The following GABRR3 variants were observed in gnomAD, a reference collection of about 807,000 sequenced individuals.
GABRR3 encodes gamma-aminobutyric acid receptor subunit rho-3.
Under a neutral mutation model 43.2 loss-of-function variants are expected in GABRR3, and 29 were observed. That is an observed-to-expected ratio of 0.67 (90% CI 0.50 to 0.92). GABRR3 has a LOEUF of 0.92. GABRR3 is among the 40% of genes least tolerant of loss of function. The pLI, the probability that GABRR3 is intolerant of heterozygous loss-of-function variation, is 0.00. For missense variants in GABRR3, 576 were observed against 572.3 expected, an observed-to-expected ratio of 1.01 and a Z score of -0.07; for synonymous variants, 206 against 195.9, an observed-to-expected ratio of 1.05 and a Z score of -0.43.
exon 9 of GABRR3, chr3:97,992,986 C>T: frequency 1.2e-6 from 2 of 1,613,208 alleles, no homozygotes; most frequent in Non-Finnish European, 1.7e-6. Context: ...AGGTAGGACA[C>T]CTGGGGCATG....
At chr3:98,019,435 T>C (rs1224453813) in intron 3 of GABRR3, among the ~76,000 whole-genome samples, 1 of 152,104 alleles carries the variant, frequency 6.6e-6, no homozygotes, top group Non-Finnish European at 1.5e-5. Flanking sequence ...CTCGGTATCA[T>C]TTTTTTACTT....
intron 8 of GABRR3, chr3:97,998,191 C>T (rs1706587895): frequency 6.6e-6 from 1 of 152,064 alleles, no homozygotes; most frequent in Admixed American, 6.6e-5. Flanking sequence ...TAGTAACTGG[C>T]CTAACATGAT....
At chr3:97,986,552 C>T (rs1469471047), downstream of GABRR3, 6 of 626,156 alleles carry the variant, frequency 9.6e-6, no homozygotes, top group South Asian at 1.4e-4. Flanking sequence ...AGACAGCTTT[C>T]AAATTTTCAT....
At chr3:98,015,581 A>G (rs1178397292) in intron 4 of GABRR3, among the ~76,000 whole-genome samples, 1 of 152,202 alleles carries the variant, frequency 6.6e-6, no homozygotes, top group African/African-American at 2.4e-5. Context: ...ACCAAACCAA[A>G]ACATATTCAT....
chr3:98,032,853 T>G (rs565303266), intron 2 of GABRR3, among the ~76,000 whole-genome samples: 1 of 152,188 alleles, frequency 6.6e-6, no homozygotes, highest in Non-Finnish European at 1.5e-5. Flanking sequence ...TTAGTTCTTT[T>G]GCATTATAGA....
intron 4 of GABRR3, 69 bp from the exon 5 acceptor site, chr3:98,012,636 T>G: frequency 9.5e-7 from 1 of 1,049,030 alleles, no homozygotes; most frequent in Non-Finnish European, 1.5e-6. Context: ...CTCAACACTG[T>G]TAGTCCCAGG....
At chr3:98,002,899 C>G (rs1351538608) in intron 7 of GABRR3, among the ~76,000 whole-genome samples, 1 of 152,120 alleles carries the variant, frequency 6.6e-6, no homozygotes, top group African/African-American at 2.4e-5. Context: ...AGATGGATCA[C>G]TTAAGTACTT....
chr3:98,022,855 T>A (rs570802359), intron 3 of GABRR3, among the ~76,000 whole-genome samples: 88 of 152,228 alleles, frequency 5.8e-4, no homozygotes, highest in African/African-American at 1.7e-3. Flanking sequence ...AAAGTATTTT[T>A]AAAAAAATGC....
At chr3:98,033,483 A>AT (rs1397381220) in intron 2 of GABRR3, among the ~76,000 whole-genome samples, 1 of 152,148 alleles carries the variant, frequency 6.6e-6, no homozygotes, top group African/African-American at 2.4e-5. Flanking sequence ...CCTAAAAAAT[A>AT]TACATGGTAG....
intron 7 of GABRR3, among the ~76,000 whole-genome samples, chr3:98,003,180 T>C (rs1427279708): frequency 2.0e-5 from 3 of 152,128 alleles, no homozygotes; most frequent in Admixed American, 6.6e-5. Context: ...ACAGCCCCAA[T>C]TTATTACTGT....
intron 3 of GABRR3, among the ~76,000 whole-genome samples, chr3:98,022,110 C>G (rs2107246626): frequency 6.6e-6 from 1 of 152,260 alleles, no homozygotes; most frequent in African/African-American, 2.4e-5. Flanking sequence ...TAGCTTTTGT[C>G]TTGACTCTGT....
At chr3:97,988,166 T>G (rs1442973369) in intron 9 of GABRR3, among the ~76,000 whole-genome samples, 1 of 151,774 alleles carries the variant, frequency 6.6e-6, no homozygotes, top group Non-Finnish European at 1.5e-5. Flanking sequence ...CGAAGAGTAA[T>G]ATGTCTGTGA....
chr3:97,993,309 G>A (rs1706495946), intron 8 of GABRR3, among the ~76,000 whole-genome samples: 1 of 152,130 alleles, frequency 6.6e-6, no homozygotes, highest in South Asian at 2.1e-4. Context: ...ACAGAAAACA[G>A]AGTCTGACTT....
intron 2 of GABRR3, among the ~76,000 whole-genome samples, chr3:98,032,410 T>C (rs1218729491): frequency 6.6e-6 from 1 of 152,204 alleles, no homozygotes; most frequent in Non-Finnish European, 1.5e-5. Context: ...CCAGAGTCAA[T>C]ACGTTGCTCT....
chr3:98,015,901 C>T (rs547000526), intron 4 of GABRR3, among the ~76,000 whole-genome samples: 15 of 152,274 alleles, frequency 9.9e-5, no homozygotes, highest in Middle Eastern at 3.4e-3. Context: ...AGAGAACTAC[C>T]TGAGACTGTG....
chr3:98,028,192 T>C (rs190629457), intron 2 of GABRR3, among the ~76,000 whole-genome samples: 293 of 152,274 alleles, frequency 1.9e-3, no homozygotes, highest in Admixed American at 4.4e-3. Flanking sequence ...TATCGGCAAA[T>C]GGGTATTACT....
intron 2 of GABRR3, among the ~76,000 whole-genome samples, chr3:98,026,759 C>T (rs181510910): frequency 2.9e-4 from 44 of 152,220 alleles, no homozygotes; most frequent in Admixed American, 5.9e-4. Flanking sequence ...TAATTCACAT[C>T]GGAAACCAAT....
intron 6 of GABRR3, 39 bp from the exon 7 acceptor site, chr3:98,007,943 C>T: frequency 6.7e-7 from 1 of 1,494,040 alleles, no homozygotes; most frequent in Non-Finnish European, 9.0e-7. Context: ...GTGTAATAAG[C>T]TCTTGTAAGC....
At chr3:98,002,028 A>G (rs1260454439) in intron 7 of GABRR3, among the ~76,000 whole-genome samples, 1 of 152,152 alleles carries the variant, frequency 6.6e-6, no homozygotes, top group Admixed American at 6.6e-5. Flanking sequence ...CTTTTGTGGG[A>G]TGGCCTCTAA....
Sources: gnomAD v4.1 joint callset for allele counts (sites outside exome capture counted in the v4.1 genomes callset) on GRCh38, gnomAD v4.1.1 for gene constraint, MANE v1.5 for transcripts, NCBI Gene and HGNC (gene_info 2026-07-23, HGNC 2026-07-21) for gene names.